Variants in TMLHE observed in about 807,000 individuals in gnomAD.
TMLHE encodes trimethyllysine dioxygenase, mitochondrial.
Under a neutral mutation model 25.7 loss-of-function variants are expected in TMLHE, and 18 were observed. That is an observed-to-expected ratio of 0.70 (90% CI 0.48 to 1.04). TMLHE has a LOEUF of 1.04. TMLHE is among the 50% of genes least tolerant of loss of function. The pLI is 0.00. For missense variants in TMLHE, 236 were observed against 259.0 expected (o/e 0.91, Z 0.61); for synonymous variants, 105 against 97.0 (o/e 1.08, Z -0.49).
At chrX:155,551,540 G>T (rs1057499453) in intron 1 of TMLHE, among the ~76,000 whole-genome samples, 2 of 109,730 alleles carry the variant, frequency 1.8e-5, no homozygotes, top group Non-Finnish European at 3.8e-5. Context: ...TCCAGCATCT[G>T]TTGTTTCCTG....
intron 2 of TMLHE, among the ~76,000 whole-genome samples, chrX:155,535,056 C>T (rs1221617126): frequency 8.9e-6 from 1 of 111,782 alleles, no homozygotes; most frequent in Non-Finnish European, 1.9e-5. Context: ...GAGTCCTCAC[C>T]AGAACTTGAC....
rs1603095288 is a variant in TMLHE, at chrX:155,597,673, T to C, written c.-2+15119A>G. ...GCTAATACAAGTTGAGTATTCCAAA[T>C]TCAAAAATCCAAAATCTGAAACATT... On this transcript the variant is annotated intron_variant, in intron 1 of 7. Transcript: ENST00000334398. Among the ~76,000 whole-genome samples, 3 of 111,352 alleles carry C rather than the reference T, an allele frequency of 2.7e-5. No individual in the cohort carries two copies. The Admixed American group carries it at 2.9e-4, about 11-fold the overall frequency.
At chrX:155,569,439 A>C (rs1290041745) in intron 1 of TMLHE, among the ~76,000 whole-genome samples, 3 of 57,480 alleles carry the variant, frequency 5.2e-5, no homozygotes, top group African/African-American at 1.3e-4. Context: ...GAACTTCCCC[A>C]GTCTAGCAAG....
intron 1 of TMLHE, among the ~76,000 whole-genome samples, chrX:155,554,107 A>G (rs1476965544): frequency 9.1e-6 from 1 of 109,850 alleles, no homozygotes; most frequent in African/African-American, 3.3e-5. Flanking sequence ...CCTGGGCTCA[A>G]GATCCTCACC....
intron 5 of TMLHE, among the ~76,000 whole-genome samples, chrX:155,510,746 A>T (rs1451300359): frequency 7.4e-5 from 8 of 108,519 alleles, no homozygotes; most frequent in Non-Finnish European, 1.5e-4. Context: ...ATGATTTATA[A>T]TCCTTTGGGT....
chrX:155,597,612 A>G (rs782698969), intron 1 of TMLHE, among the ~76,000 whole-genome samples: 1 of 111,697 alleles, frequency 9.0e-6, no homozygotes, highest in Non-Finnish European at 1.9e-5. Flanking sequence ...TCCAACAATG[A>G]CAGGCTTAGT....
At chrX:155,589,722 C>G (rs782382416) in intron 1 of TMLHE, among the ~76,000 whole-genome samples, 1 of 111,131 alleles carries the variant, frequency 9.0e-6, no homozygotes, top group African/African-American at 3.3e-5. Context: ...ATAATCTATA[C>G]CAGAGTGACT....
In TMLHE at chrX:155,511,696, A is replaced by T; in HGVS notation, c.735T>A (p.Thr245=). Residue 245 remains threonine (T), a synonymous_variant, in exon 5 of 8, where the codon ACT becomes ACA. Transcript: ENST00000334398. The stretch of plus-strand genomic sequence containing the variant: ...ACCCACAGGGCTCTTGAAAATAGGT[A>T]GTGTCAGTGTGCCGATCCAGAGCTA... The part of the protein sequence containing the change: ...TKLALDRHTD[T]TYFQEPCGIQ... 8.3e-7 allele frequency: 1 copy of T among 1,202,276 alleles called. No individual in the cohort carries two copies. Among genetic ancestry groups the T allele is most frequent in the Non-Finnish European group, 1.1e-6 (1 of 889,302 alleles).
intron 5 of TMLHE, among the ~76,000 whole-genome samples, chrX:155,507,955 TAGA>T (rs1287982292): frequency 9.1e-6 from 1 of 110,464 alleles, no homozygotes; most frequent in Non-Finnish European, 1.9e-5. Context: ...GATACCGAGA[TAGA>T]AGTAGCAGAA....
chrX:155,554,894 A>AAT (rs2067438895), intron 1 of TMLHE, among the ~76,000 whole-genome samples: 1 of 107,167 alleles, frequency 9.3e-6, no homozygotes, highest in Admixed American at 1.0e-4. Context: ...TCCTTTTTTT[A>AAT]ATTATACTTT....
intron 2 of TMLHE, among the ~76,000 whole-genome samples, chrX:155,526,253 T>C (rs1557336451): frequency 8.9e-6 from 1 of 112,755 alleles, no homozygotes; most frequent in African/African-American, 3.2e-5. Context: ...CCCATGTCCT[T>C]TGGCTCTGTG....
intron 2 of TMLHE, among the ~76,000 whole-genome samples, chrX:155,525,533 G>A (rs1397922719): frequency 2.7e-5 from 3 of 112,262 alleles, no homozygotes; most frequent in Non-Finnish European, 3.8e-5. Flanking sequence ...TTGCTATAAA[G>A]ATACCTGAAA....
At chrX:155,546,388 G>A (rs2067344991) in intron 1 of TMLHE, among the ~76,000 whole-genome samples, 1 of 111,535 alleles carries the variant, frequency 9.0e-6, no homozygotes, top group South Asian at 3.7e-4. Context: ...GCAGAAGACT[G>A]AGAGAGCTAT....
rs143702210 is a variant in TMLHE, at chrX:155,504,983, G to A, written c.995+1915C>T. The stretch of plus-strand genomic sequence containing the variant: ...ATATGCATTGGTCAAAACTCAGTGA[G>A]TGTATATTTAATATTTTAAACATCA... On this transcript the variant is annotated intron_variant, in intron 6 of 7. Coordinates refer to ENST00000334398, the MANE Select transcript of TMLHE (RefSeq NM_018196.4). Among the ~76,000 whole-genome samples, 771 of 111,526 alleles carry A rather than the reference G, an allele frequency of 6.9e-3. 6 individuals are homozygous for A. The highest frequency in any genetic ancestry group is 0.024 in the African/African-American group (732 of 30,818).
chrX:155,610,442 A>G (rs1557348207), intron 1 of TMLHE, among the ~76,000 whole-genome samples: 1 of 112,079 alleles, frequency 8.9e-6, no homozygotes, highest in African/African-American at 3.2e-5. Flanking sequence ...AATTTATAAA[A>G]TCACTTTAAA....
At chrX:155,543,982 G>T (rs782475287) in intron 2 of TMLHE, among the ~76,000 whole-genome samples, 1 of 111,745 alleles carries the variant, frequency 8.9e-6, no homozygotes, top group African/African-American at 3.2e-5. Context: ...CCTTCCCTTT[G>T]TGCTGTACCT....
At chrX:155,530,674 T>A (rs1185483195) in intron 2 of TMLHE, among the ~76,000 whole-genome samples, 1 of 112,438 alleles carries the variant, frequency 8.9e-6, no homozygotes, top group African/African-American at 3.2e-5. Context: ...TCATATACTT[T>A]AAACATACAC....
intron 1 of TMLHE, among the ~76,000 whole-genome samples, chrX:155,576,068 G>C (rs926939533): frequency 9.0e-6 from 1 of 111,457 alleles, no homozygotes; most frequent in Non-Finnish European, 1.9e-5. Context: ...ATCTCTGTTT[G>C]CAGATTATAT....
At chrX:155,583,760 T>G (rs1050016438) in intron 1 of TMLHE, among the ~76,000 whole-genome samples, 1 of 111,685 alleles carries the variant, frequency 9.0e-6, no homozygotes, top group Non-Finnish European at 1.9e-5. Flanking sequence ...CTAAGTAATG[T>G]GCACACATGG....
Sources: gnomAD v4.1 joint callset for allele counts (sites outside exome capture counted in the v4.1 genomes callset) on GRCh38, gnomAD v4.1.1 for gene constraint, MANE v1.5 for transcripts, NCBI Gene and HGNC (gene_info 2026-07-23, HGNC 2026-07-21) for gene names.